ARAP2: variants seen among roughly 807,000 people sequenced by gnomAD.
ARAP2 encodes arf-GAP with Rho-GAP domain, ANK repeat and PH domain-containing protein 2.
In ARAP2, 148 loss-of-function variants were observed where a neutral mutation model predicts 194.5. The ratio of observed to expected loss-of-function variants is 0.76; its 90% CI spans 0.67 to 0.87. The LOEUF (loss-of-function observed/expected upper bound fraction) is 0.87. Among genes scored for constraint, ARAP2 ranks in the 40% least tolerant of loss-of-function variants. The pLI, the probability that ARAP2 is intolerant of heterozygous loss-of-function variation, is 0.00. For synonymous variants in ARAP2, 695 were observed against 683.5 expected (o/e 1.02, Z -0.26); for missense variants, 2,128 against 1,989.7 (o/e 1.07, Z -1.32).
At chr4:36,204,230 T>A (rs1745052695) in intron 6 of ARAP2, among the ~76,000 whole-genome samples, 1 of 152,212 alleles carries the variant, frequency 6.6e-6, no homozygotes, top group Non-Finnish European at 1.5e-5. Context: ...ATAGGCTATG[T>A]ATAAAGTATC....
At chr4:36,205,245 T>C (rs1315545676) in intron 6 of ARAP2, among the ~76,000 whole-genome samples, 1 of 151,886 alleles carries the variant, frequency 6.6e-6, no homozygotes, top group East Asian at 1.9e-4. Context: ...TTAAAATGAA[T>C]AAATATGATC....
intron 9 of ARAP2, among the ~76,000 whole-genome samples, chr4:36,008,866 C>G (rs916004413): frequency 6.6e-6 from 1 of 151,874 alleles, no homozygotes; most frequent in Non-Finnish European, 1.5e-5. Flanking sequence ...TACAAATAAC[C>G]TTATTCAAAA....
chr4:36,187,381 G>A (rs1010756837), intron 8 of ARAP2, 70 bp downstream of exon 8: 1 of 864,584 alleles, frequency 1.2e-6, no homozygotes, highest in African/African-American at 1.8e-5. Flanking sequence ...GACATTCCTA[G>A]TCTAACTGGT....
At chr4:36,044,392 G>C (rs1322087257) in intron 5 of ARAP2, among the ~76,000 whole-genome samples, 2 of 152,176 alleles carry the variant, frequency 1.3e-5, no homozygotes, top group Non-Finnish European at 2.9e-5. Flanking sequence ...GGAGGTAGCA[G>C]CAGTAGAATA....
intron 1 of ARAP2, among the ~76,000 whole-genome samples, chr4:36,240,827 A>C (rs183142794): frequency 1.3e-5 from 2 of 152,154 alleles, no homozygotes; most frequent in African/African-American, 4.8e-5. Context: ...AAAACACAAT[A>C]AAAAAACCTA....
At chr4:36,048,147 T>C (rs1560318648) in intron 3 of ARAP2, among the ~76,000 whole-genome samples, 1 of 152,200 alleles carries the variant, frequency 6.6e-6, no homozygotes, top group Non-Finnish European at 1.5e-5. Flanking sequence ...ATATACCCAG[T>C]AAAAGATTAA....
intron 27 of ARAP2, among the ~76,000 whole-genome samples, chr4:36,094,801 T>C (rs778595470): frequency 2.0e-5 from 3 of 152,102 alleles, no homozygotes; most frequent in Non-Finnish European, 4.4e-5. Context: ...AACCACACTT[T>C]AGGTAAATTA....
Position 36,228,956 on chromosome 4 carries a change from T to C in ARAP2, c.531A>G (p.Lys177=), listed in dbSNP as rs79481025. ...NDSLFGSDNI[K]IESLITKKTV... ...TCTTCTTTGTAATCAATGATTCTAT[T>C]TTAATATTGTCACTACCAAATAAAG... Residue 177 remains lysine (K), a synonymous_variant, in exon 2 of 33, where the codon AAA becomes AAG. Transcript: ENST00000303965. 2.1e-3 allele frequency: 3,466 copies of C among 1,614,084 alleles called. 58 individuals are homozygous for C. The Admixed American group carries it at 0.038, about 18-fold the overall frequency.
chr4:36,195,425 A>G (rs1015351560), intron 6 of ARAP2, among the ~76,000 whole-genome samples: 3 of 152,218 alleles, frequency 2.0e-5, no homozygotes, highest in African/African-American at 7.2e-5. Context: ...ACACTGGATA[A>G]ATTAGTCACT....
chr4:36,100,945 T>C lies in ARAP2; in HGVS notation c.4285+6620A>G, dbSNP rs1716733875. Among the ~76,000 whole-genome samples the C allele has an allele frequency of 2.0e-5, 3 of 152,008 alleles. No homozygotes were observed. In the South Asian group the frequency reaches 6.2e-4, roughly 32 times the overall value. On this transcript the variant is annotated intron_variant, in intron 27 of 32. Coordinates refer to ENST00000303965, the MANE Select transcript of ARAP2 (RefSeq NM_015230.4). ...TATGTTATTTATACGGTTGGCCCTC[T>C]GTATCCATGGATGCCGCATCTGTCA...
intron 2 of ARAP2, among the ~76,000 whole-genome samples, chr4:36,226,085 A>G (rs2109328478): frequency 6.6e-6 from 1 of 152,276 alleles, no homozygotes; most frequent in East Asian, 1.9e-4. Context: ...CACAAAAGCA[A>G]TGCTGCTATT....
At chr4:36,040,767 A>G (rs1720726777) in intron 5 of ARAP2, among the ~76,000 whole-genome samples, 1 of 152,144 alleles carries the variant, frequency 6.6e-6, no homozygotes, top group Admixed American at 6.5e-5. Flanking sequence ...TAGATAGGAA[A>G]TCATGTCGTC....
chr4:36,196,949 CA>C (rs1296766349), intron 6 of ARAP2, among the ~76,000 whole-genome samples: 1 of 151,494 alleles, frequency 6.6e-6, no homozygotes, highest in East Asian at 1.9e-4. Context: ...GTCATTTCAC[CA>C]AGTGACCATT....
chr4:36,176,342 A>T (rs1276320804), intron 9 of ARAP2, among the ~76,000 whole-genome samples: 2 of 152,182 alleles, frequency 1.3e-5, no homozygotes, highest in Non-Finnish European at 2.9e-5. Flanking sequence ...TTTCACACTC[A>T]ATTCCTAATA....
chr4:36,109,182 C>A (rs773933029), intron 26 of ARAP2, among the ~76,000 whole-genome samples: 27 of 151,852 alleles, frequency 1.8e-4, no homozygotes, highest in Non-Finnish European at 3.5e-4. Context: ...TTGTCTGTTT[C>A]CAATGTAAAT....
At chr4:36,148,583 T>C (rs1485427846) in intron 16 of ARAP2, 76 bp from the exon 17 acceptor site, 3 of 1,005,774 alleles carry the variant, frequency 3.0e-6, no homozygotes, top group Non-Finnish European at 4.5e-6. Context: ...AAAGGTCATG[T>C]TTTTAATTAA....
chr4:36,020,902 C>G (rs1716819333), intron 5 of ARAP2, among the ~76,000 whole-genome samples: 1 of 152,038 alleles, frequency 6.6e-6, no homozygotes, highest in Non-Finnish European at 1.5e-5. Flanking sequence ...GTGAATGATT[C>G]AAGAACTTTT....
chr4:36,035,851 CAT>C (rs1560298634), intron 5 of ARAP2, among the ~76,000 whole-genome samples: 1 of 152,018 alleles, frequency 6.6e-6, no homozygotes, highest in East Asian at 1.9e-4. Flanking sequence ...AACGTTTTTC[CAT>C]ATGTCTGTCC....
chr4:36,097,718 T>C (rs1715684605), intron 27 of ARAP2, among the ~76,000 whole-genome samples: 1 of 152,100 alleles, frequency 6.6e-6, no homozygotes, highest in Non-Finnish European at 1.5e-5. Context: ...AGGATGCACA[T>C]TAACAGGTAC....
Sources: allele counts gnomAD v4.1 joint callset (sites outside exome capture counted in the v4.1 genomes callset), GRCh38; gene constraint gnomAD v4.1.1; transcripts MANE v1.5; gene names NCBI Gene and HGNC (gene_info 2026-07-23, HGNC 2026-07-21).